AHCTF1: variants seen among roughly 807,000 people sequenced by gnomAD.
AHCTF1 encodes AT-hook containing transcription factor 1.
In AHCTF1, 24 loss-of-function variants were observed where a neutral mutation model predicts 248.4. That is an observed-to-expected ratio of 0.10 (90% CI 0.07 to 0.14). The LOEUF is 0.14. Ranked by LOEUF, AHCTF1 falls within the 10% of genes least tolerant of loss-of-function variation. The pLI is 1.00. For synonymous variants in AHCTF1, 786 were observed against 929.8 expected (o/e 0.85, Z 2.81); for missense variants, 2,206 against 2,636.2 (o/e 0.84, Z 3.57).
chr1:246,913,130 T>C, intron 4 of AHCTF1, 102 bp downstream of exon 4: 1 of 991,784 alleles, frequency 1.0e-6, no homozygotes, highest in Non-Finnish European at 1.4e-6. Flanking sequence ...AGATATCTTT[T>C]ATTTTACTCC....
intron 4 of AHCTF1, among the ~76,000 whole-genome samples, chr1:246,911,479 C>CTTTTT (rs35320501): frequency 5.0e-4 from 50 of 99,466 alleles, no homozygotes; most frequent in East Asian, 1.5e-3. Context: ...TATGAAGATT[C>CTTTTT]TTTTTTTTTT....
At chr1:246,869,122 C>G (rs574142458) in intron 24 of AHCTF1, among the ~76,000 whole-genome samples, 19 of 151,892 alleles carry the variant, frequency 1.3e-4, no homozygotes, top group African/African-American at 4.6e-4. Flanking sequence ...GGATTACAGG[C>G]GTGAGCCACC....
intron 4 of AHCTF1, among the ~76,000 whole-genome samples, chr1:246,911,675 G>C (rs767055835): frequency 5.9e-5 from 9 of 151,710 alleles, no homozygotes; most frequent in African/African-American, 2.2e-4. Flanking sequence ...GTAGAGACGG[G>C]GTTTCTCCAT....
intron 21 of AHCTF1, among the ~76,000 whole-genome samples, chr1:246,877,922 T>A: frequency 6.6e-6 from 1 of 152,078 alleles, no homozygotes; most frequent in East Asian, 1.9e-4. Flanking sequence ...GTTATTTATT[T>A]ATTTTTATTT....
chr1:246,853,063 AAAG>A lies in AHCTF1; in HGVS notation c.4563+25_4563+27del, dbSNP rs774160350. ...ACTAAACCAAAACTGAAAGACTGAT[AAAG>A]AAGTAAAAAATTAATTTTTTTTACA... On this transcript the variant is annotated intron_variant, in intron 32 of 35. Transcript: ENST00000648844. The A allele has an allele frequency of 5.1e-5, 80 of 1,556,452 alleles. No homozygotes were observed. The African/African-American group carries it at 9.1e-4, about 18-fold the overall frequency.
In AHCTF1 at chr1:246,842,715, G is replaced by A; in HGVS notation, c.6587C>T (p.Ser2196Leu). The change falls in exon 35 of 36, where the codon TCA becomes TTA. Residue 2196 changes from serine to leucine, a missense_variant. Ser to Leu is a moderately radical substitution (Grantham distance 145). Around this residue, in one of 6 missense-constraint regions of AHCTF1, gnomAD observed 469 missense variants for 470.0 expected, o/e 1.00. Transcript: ENST00000648844. The part of the protein sequence containing the change: ...GKPKAKRIRT[S>L]KTKQASKNTE... ...ATACTTGCTTGCTTGTTTTGTTTTTGACGTCCTGATTCGTTTCGCTTTTGG... is the reference window on the plus strand; with the variant it reads ...ATACTTGCTTGCTTGTTTTGTTTTTAACGTCCTGATTCGTTTCGCTTTTGG... 6.2e-7 allele frequency: 1 copy of A among 1,613,554 alleles called. No individual in the cohort carries two copies. Among genetic ancestry groups the A allele is most frequent in the Non-Finnish European group, 8.5e-7 (1 of 1,180,008 alleles).
chr1:246,849,400 G>A (rs543498806), intron 33 of AHCTF1, among the ~76,000 whole-genome samples: 1 of 152,102 alleles, frequency 6.6e-6, no homozygotes, highest in African/African-American at 2.4e-5. Flanking sequence ...AATCTGTTAC[G>A]TGAGTTACAG....
At chr1:246,895,974 G>A (rs751941316) in intron 12 of AHCTF1, 49 bp from the exon 13 acceptor site, 10 of 1,483,522 alleles carry the variant, frequency 6.7e-6, no homozygotes, top group Non-Finnish European at 9.3e-6. Context: ...AAGAGGGTGT[G>A]AGATCATAGG....
chr1:246,929,847 T>C (rs1453691370), intron 1 of AHCTF1, among the ~76,000 whole-genome samples: 1 of 152,048 alleles, frequency 6.6e-6, no homozygotes, highest in Non-Finnish European at 1.5e-5. Flanking sequence ...AGGTCAGAAG[T>C]TCAAGACCAG....
Position 246,867,730 on chromosome 1 carries a change from T to A in AHCTF1, c.3170A>T (p.Asn1057Ile). 6.2e-7 allele frequency: 1 copy of A among 1,612,522 alleles called. No individual in the cohort carries two copies. The highest frequency in any genetic ancestry group is 8.5e-7 in the Non-Finnish European group (1 of 1,179,030). ...TVLTRSVFIN[N>I]VLSKIGEVWA... Reference sequence around the variant, plus strand: ...AACTTCTCCAATTTTAGATAACACATTGTTGATGAAAACAGATCTTGTCAA... The same window carrying A: ...AACTTCTCCAATTTTAGATAACACAATGTTGATGAAAACAGATCTTGTCAA... Residue 1057 changes from asparagine (N) to isoleucine (I), a missense_variant, in exon 25 of 36, where the codon AAT becomes ATT. This residue lies in a region of AHCTF1 where 955 missense variants were observed against 1,055.6 expected (regional missense o/e 0.90). Coordinates refer to ENST00000648844, the MANE Select transcript of AHCTF1 (RefSeq NM_001323342.2).
At chr1:246,881,544 G>A (rs932057964) in intron 21 of AHCTF1, among the ~76,000 whole-genome samples, 1 of 151,982 alleles carries the variant, frequency 6.6e-6, no homozygotes, top group Non-Finnish European at 1.5e-5. Context: ...TTTTTAAATA[G>A]AAGCAGGGTC....
intron 4 of AHCTF1, among the ~76,000 whole-genome samples, chr1:246,911,274 TG>T (rs758453114): frequency 2.0e-5 from 3 of 152,158 alleles, no homozygotes; most frequent in Non-Finnish European, 2.9e-5. Context: ...AAATACACTA[TG>T]AAACAAAAGC....
intron 1 of AHCTF1, among the ~76,000 whole-genome samples, chr1:246,926,043 C>A (rs1666899560): frequency 9.8e-6 from 1 of 102,008 alleles, no homozygotes; most frequent in Non-Finnish European, 2.0e-5. Context: ...GAGACCCTGT[C>A]TTTAAAAAAA....
At chr1:246,875,898 G>T in intron 24 of AHCTF1, 139 bp downstream of exon 24, 3 of 830,394 alleles carry the variant, frequency 3.6e-6, no homozygotes, top group Non-Finnish European at 5.4e-6. Context: ...CAGTGATCTG[G>T]AACCAAACCA....
At chr1:246,905,740 C>CAGTGGTTGCCT in intron 5 of AHCTF1, 83 bp from the exon 6 acceptor site, 1 of 1,023,180 alleles carries the variant, frequency 9.8e-7, no homozygotes, top group Non-Finnish European at 1.5e-6. Flanking sequence ...TTGGGTTAGG[C>CAGTGGTTGCCT]AACCACTGTT....
chr1:246,877,489 A>G lies in AHCTF1; in HGVS notation c.2661-187T>C, dbSNP rs188964345. On this transcript the variant is annotated intron_variant, in intron 21 of 35. Transcript: ENST00000648844. Reference sequence around the variant, plus strand: ...TCTTGCTAAGAATGTCAGTAAAATGACACGTTTAAAGAATTTTATGCTGCT... The same window carrying G: ...TCTTGCTAAGAATGTCAGTAAAATGGCACGTTTAAAGAATTTTATGCTGCT... 3.2e-3 allele frequency among the ~76,000 whole-genome samples: 493 copies of G among 152,336 alleles called. 4 individuals carry two copies. The highest frequency in any genetic ancestry group is 0.011 in the African/African-American group (451 of 41,588).
At chr1:246,919,348 A>T (rs949433153) in intron 1 of AHCTF1, among the ~76,000 whole-genome samples, 2 of 152,220 alleles carry the variant, frequency 1.3e-5, no homozygotes, top group African/African-American at 4.8e-5. Context: ...CATGGCTCTG[A>T]GTCTCTTACT....
In AHCTF1 at chr1:246,903,815, G is replaced by A. The variant is rs1253786797; in HGVS notation, c.966+134C>T. 8.4e-6 allele frequency: 6 copies of A among 718,092 alleles called. No individual in the cohort carries two copies. The Admixed American group carries it at 1.2e-4, about 14-fold the overall frequency. The allele number at this position is 718,092 out of a possible 1,614,324, so 44.5% of individuals were successfully genotyped here. A position where few individuals can be genotyped will look rare whatever the true frequency, so the allele number is the denominator to read the frequency against. The stretch of plus-strand genomic sequence containing the variant: ...ATTGCACCACTGCACTCCAGCCTGG[G>A]CGACAGAGCGAGACTCTGTCTCAAA... On this transcript the variant is annotated intron_variant, in intron 7 of 35. Transcript: ENST00000648844.
chr1:246,921,569 C>T (rs10924866), intron 1 of AHCTF1, among the ~76,000 whole-genome samples: 33,299 of 151,878 alleles, frequency 0.22, 3,756 homozygotes, highest in Admixed American at 0.24. Flanking sequence ...TCAGAATCCC[C>T]CCAAAAATAT....
Sources: gnomAD v4.1 joint callset for allele counts (sites outside exome capture counted in the v4.1 genomes callset) on GRCh38, gnomAD v4.1.1 for gene constraint, gnomAD v4.1.1 regional missense constraint, MANE v1.5 for transcripts, NCBI Gene and HGNC (gene_info 2026-07-23, HGNC 2026-07-21) for gene names.